HPSE2: variants seen among roughly 807,000 people sequenced by gnomAD.
HPSE2 encodes the protein inactive heparanase-2.
Under a neutral mutation model 60.5 loss-of-function variants are expected in HPSE2, and 38 were observed. The observed-to-expected ratio is 0.63, with a 90% CI of 0.48 to 0.82. The LOEUF is 0.82. Ranked by LOEUF, HPSE2 falls within the 40% of genes least tolerant of loss-of-function variation. HPSE2 has a pLI of 0.00. For missense variants in HPSE2, 713 were observed against 740.4 expected (o/e 0.96, Z 0.43); for synonymous variants, 295 against 293.2 (o/e 1.01, Z -0.06).
At chr10:99,299,300 G>T in the HPSE2 span, among the ~76,000 whole-genome samples, 15 of 152,296 alleles carry the variant, frequency 9.8e-5, no homozygotes, top group East Asian at 2.9e-3. Flanking sequence ...TGGGGCCCCA[G>T]ATCAGCCCCC....
intron 5 of HPSE2, among the ~76,000 whole-genome samples, chr10:98,709,240 C>T (rs569994713): frequency 1.2e-4 from 18 of 152,240 alleles, no homozygotes; most frequent in Admixed American, 3.9e-4. Flanking sequence ...AACATGCACA[C>T]GGAATAGTGC....
intron 3 of HPSE2, among the ~76,000 whole-genome samples, chr10:99,048,760 C>G (rs139409406): frequency 6.6e-6 from 1 of 152,162 alleles, no homozygotes; most frequent in African/African-American, 2.4e-5. Flanking sequence ...GATCATTATA[C>G]AAAAAGACAC....
At chr10:99,224,505 G>A (rs942891957) in intron 2 of HPSE2, among the ~76,000 whole-genome samples, 1 of 151,696 alleles carries the variant, frequency 6.6e-6, no homozygotes, top group Non-Finnish European at 1.5e-5. Context: ...CTGAAAGCAT[G>A]ATTAAGGAAC....
intron 3 of HPSE2, among the ~76,000 whole-genome samples, chr10:98,847,149 T>C (rs538273521): frequency 2.6e-5 from 4 of 152,290 alleles, no homozygotes; most frequent in African/African-American, 9.6e-5. Context: ...AACTCAGAAT[T>C]AGTAAGAGGT....
chr10:99,135,194 C>A (rs922325868), intron 3 of HPSE2, among the ~76,000 whole-genome samples: 1 of 113,828 alleles, frequency 8.8e-6, no homozygotes, highest in Non-Finnish European at 2.2e-5. Flanking sequence ...GCACCCAATA[C>A]AAGAACACTC....
At chr10:98,645,044 T>A (rs1946731994) in intron 6 of HPSE2, among the ~76,000 whole-genome samples, 1 of 151,886 alleles carries the variant, frequency 6.6e-6, no homozygotes, top group South Asian at 2.1e-4. Context: ...CAAGCAGAGA[T>A]GAAGGAAGAA....
At chr10:99,197,452 C>G (rs1157989176) in intron 2 of HPSE2, among the ~76,000 whole-genome samples, 1 of 152,076 alleles carries the variant, frequency 6.6e-6, no homozygotes, top group African/African-American at 2.4e-5. Flanking sequence ...ACATTGCATG[C>G]TTGTATCAAA....
intron 3 of HPSE2, among the ~76,000 whole-genome samples, chr10:99,114,592 T>C (rs761456560): frequency 8.5e-5 from 13 of 152,180 alleles, no homozygotes; most frequent in Admixed American, 2.0e-4. Flanking sequence ...AGGATATAAA[T>C]AAATCAATGT....
chr10:98,980,056 A>C (rs1003217668), intron 3 of HPSE2, among the ~76,000 whole-genome samples: 3 of 152,176 alleles, frequency 2.0e-5, no homozygotes, highest in Admixed American at 6.5e-5. Context: ...TCATGTTTGT[A>C]ATTCCCCATA....
At chr10:98,688,834 T>C (rs980009026) in intron 6 of HPSE2, among the ~76,000 whole-genome samples, 1 of 152,240 alleles carries the variant, frequency 6.6e-6, no homozygotes, top group African/African-American at 2.4e-5. Flanking sequence ...AAAAAGTCTT[T>C]ATTTAATTTT....
At chr10:99,018,531 A>G (rs965269132) in intron 3 of HPSE2, among the ~76,000 whole-genome samples, 11 of 152,316 alleles carry the variant, frequency 7.2e-5, no homozygotes, top group African/African-American at 2.6e-4. Flanking sequence ...TGAGAGGCCA[A>G]TTTGCTGTTA....
At position 98,923,513 on chromosome 10, in the gene HPSE2, A is replaced by C. The variant is rs560006701; in HGVS notation, c.611-179457T>G. Among the ~76,000 whole-genome samples the C allele has an allele frequency of 4.6e-5, 7 of 152,174 alleles. No individual in the cohort carries two copies. In the East Asian group the frequency reaches 1.4e-3, roughly 29 times the overall value. ...TATCTCTTTCTCTACCTCCTCTTTA[A>C]AGCCAATAACTCTTAGATTTGTCCT... is the stretch of plus-strand genomic sequence containing the variant. On this transcript the variant is annotated intron_variant, in intron 3 of 11. Coordinates refer to ENST00000370552, the MANE Select transcript of HPSE2 (RefSeq NM_021828.5).
At chr10:98,769,910 T>A (rs1340840904) in intron 3 of HPSE2, among the ~76,000 whole-genome samples, 1 of 152,220 alleles carries the variant, frequency 6.6e-6, no homozygotes, top group East Asian at 1.9e-4. Flanking sequence ...AGCCACACTT[T>A]TATATTACTA....
intron 1 of HPSE2, among the ~76,000 whole-genome samples, chr10:99,233,671 A>G (rs972468942): frequency 6.6e-5 from 10 of 152,324 alleles, no homozygotes; most frequent in East Asian, 5.8e-4. Context: ...TACGAGAAAG[A>G]AAAAACAGAC....
intron 3 of HPSE2, among the ~76,000 whole-genome samples, chr10:99,103,216 T>C (rs1416425210): frequency 6.6e-6 from 1 of 152,182 alleles, no homozygotes; most frequent in Non-Finnish European, 1.5e-5. Context: ...GATGACATGA[T>C]TGTATATCTA....
At chr10:98,651,503 T>C (rs1033107498) in intron 6 of HPSE2, among the ~76,000 whole-genome samples, 11 of 152,210 alleles carry the variant, frequency 7.2e-5, no homozygotes, top group Non-Finnish European at 1.5e-4. Flanking sequence ...AACAAAATGT[T>C]TCTTTACCAT....
At chr10:99,289,380 C>T in the HPSE2 span, among the ~76,000 whole-genome samples, 67 of 151,824 alleles carry the variant, frequency 4.4e-4, no homozygotes, top group Middle Eastern at 3.4e-3. Context: ...CTTTCTTCTT[C>T]GTTTGGTTGT....
intron 3 of HPSE2, among the ~76,000 whole-genome samples, chr10:99,119,165 T>A (rs1371302839): frequency 1.3e-5 from 2 of 151,000 alleles, no homozygotes; most frequent in Non-Finnish European, 2.9e-5. Flanking sequence ...ACTATACCTG[T>A]TTACAGTTGA....
intron 6 of HPSE2, among the ~76,000 whole-genome samples, chr10:98,645,566 A>G (rs1050783456): frequency 1.3e-5 from 2 of 152,348 alleles, no homozygotes; most frequent in African/African-American, 2.4e-5. Flanking sequence ...CTCACATTAT[A>G]CTGAGAAGTT....
Sources: gnomAD v4.1 joint callset for allele counts (sites outside exome capture counted in the v4.1 genomes callset) on GRCh38, gnomAD v4.1.1 for gene constraint, MANE v1.5 for transcripts, NCBI Gene and HGNC (gene_info 2026-07-23, HGNC 2026-07-21) for gene names.